RTN4R: variants seen among roughly 807,000 people sequenced by gnomAD.
The protein encoded by RTN4R is reticulon 4 receptor.
RTN4R carries 4 observed loss-of-function variants against 27.7 expected under a neutral mutation model. The ratio of observed to expected loss-of-function variants is 0.14; its 90% CI spans 0.07 to 0.33. The LOEUF is 0.33. RTN4R is among the 10% of genes least tolerant of loss of function. The pLI, the probability that RTN4R is intolerant of heterozygous loss-of-function variation, is 1.00. For missense variants in RTN4R, 554 were observed against 671.5 expected (o/e 0.83, Z 1.93); for synonymous variants, 290 against 305.6 (o/e 0.95, Z 0.53).
chr22:20,248,927 C>T (rs1287430810), intron 1 of RTN4R, among the ~76,000 whole-genome samples: 25 of 152,178 alleles, frequency 1.6e-4, no homozygotes, highest in Admixed American at 1.5e-3. Flanking sequence ...CCAGCCCATA[C>T]ACCCCTCACT....
chr22:20,242,330 G>T lies in RTN4R; in HGVS notation c.803C>A (p.Ala268Glu). Residue 268 changes from alanine (A) to glutamate (E), a missense_variant, in exon 2 of 2, where the codon GCA becomes GAA. Ala to Glu is a moderately radical substitution (Grantham distance 107). Around this residue, in one of 2 missense-constraint regions of RTN4R, gnomAD observed 413 missense variants for 542.3 expected, o/e 0.76. Transcript: ENST00000043402. ...NDNPWVCDCR[A>E]RPLWAWLQKF... Reference sequence around the variant, plus strand: ...CTGCAGCCAGGCCCAGAGTGGGCGTGCCCGGCAGTCACACACCCAGGGGTT... The same window carrying T: ...CTGCAGCCAGGCCCAGAGTGGGCGTTCCCGGCAGTCACACACCCAGGGGTT... 6.2e-7 allele frequency: 1 copy of T among 1,611,022 alleles called. No individual in the cohort carries two copies.
intron 1 of RTN4R, among the ~76,000 whole-genome samples, chr22:20,263,624 G>C (rs1031995411): frequency 1.3e-5 from 2 of 152,228 alleles, no homozygotes; most frequent in Non-Finnish European, 2.9e-5. Flanking sequence ...CTCACTCCCA[G>C]ATCAGCCCAG....
chr22:20,251,731 A>T (rs1263401911), intron 1 of RTN4R, among the ~76,000 whole-genome samples: 14 of 148,316 alleles, frequency 9.4e-5, no homozygotes, highest in Non-Finnish European at 2.1e-4. Context: ...CCTCAACACC[A>T]TCATCACCAT....
Position 20,243,042 on chromosome 22 carries a change from A to G in RTN4R, c.91T>C (p.Cys31Arg). The G allele has an allele frequency of 6.2e-7, 1 of 1,603,198 alleles. No homozygotes were observed. The highest frequency in any genetic ancestry group is 8.5e-7 in the Non-Finnish European group (1 of 1,179,904). Residue 31 changes from cysteine (C) to arginine (R), a missense_variant, in exon 2 of 2, where the codon TGC becomes CGC. Physicochemically the swap from Cys to Arg is radical, Grantham distance 180 (BLOSUM62 -3). Transcript: ENST00000043402. ...WQVAAPCPGACVCYNEPKVTT... is the reference protein window; with the variant it reads ...WQVAAPCPGARVCYNEPKVTT... ...ACCTTGGGCTCATTGTAGCATACGC[A>G]GGCACCTGGGCATGGGGCTGCCACC... is the stretch of plus-strand genomic sequence containing the variant.
intron 1 of RTN4R, among the ~76,000 whole-genome samples, chr22:20,254,380 G>T (rs2051200833): frequency 6.6e-6 from 1 of 151,176 alleles, no homozygotes; most frequent in Non-Finnish European, 1.5e-5. Flanking sequence ...AGTGAGCCAT[G>T]ATCATGCCAC....
chr22:20,252,085 A>C (rs796663722), intron 1 of RTN4R, among the ~76,000 whole-genome samples: 1 of 62,236 alleles, frequency 1.6e-5, no homozygotes, highest in Admixed American at 1.7e-4. Context: ...CCTCATCATC[A>C]CCATCGTCCT....
In RTN4R at chr22:20,267,861, C is replaced by A. The variant is rs1160541782; in HGVS notation, c.22+210G>T. ...CGTCAACTTTCCCGGGAAGCGGCAA[C>A]TTTTCCTGCCGCCTCCGGCTCCGCC... On this transcript the variant is annotated intron_variant, in intron 1 of 1. Transcript: ENST00000043402. 2.6e-5 allele frequency among the ~76,000 whole-genome samples: 4 copies of A among 152,134 alleles called. No homozygotes were observed. The East Asian group carries it at 7.8e-4, about 30-fold the overall frequency.
At chr22:20,260,440 C>T (rs543295042) in intron 1 of RTN4R, among the ~76,000 whole-genome samples, 1 of 152,266 alleles carries the variant, frequency 6.6e-6, no homozygotes, top group South Asian at 2.1e-4. Context: ...AAGGAGGGGG[C>T]ACCAGGGCTG....
intron 1 of RTN4R, among the ~76,000 whole-genome samples, chr22:20,254,732 T>G (rs2051202318): frequency 6.6e-6 from 1 of 150,956 alleles, no homozygotes. Flanking sequence ...TTTCAACAGG[T>G]GGTAAAGGGA....
intron 1 of RTN4R, among the ~76,000 whole-genome samples, chr22:20,247,403 CCA>C (rs1383327420): frequency 5.3e-5 from 8 of 152,012 alleles, no homozygotes; most frequent in Admixed American, 2.6e-4. Flanking sequence ...CATCCCCACA[CCA>C]CAGAGGGTCA....
chr22:20,262,040 C>T (rs189655443), intron 1 of RTN4R, among the ~76,000 whole-genome samples: 535 of 152,334 alleles, frequency 3.5e-3, no homozygotes, highest in Admixed American at 4.9e-3. Context: ...GGAGCCGGGG[C>T]CGGCTGTGGC....
chr22:20,247,510 C>T (rs572806167), intron 1 of RTN4R, among the ~76,000 whole-genome samples: 7 of 137,964 alleles, frequency 5.1e-5, no homozygotes, highest in Non-Finnish European at 1.1e-4. Context: ...TCCTCGCTTG[C>T]TTCTCACATG....
chr22:20,250,840 C>T (rs554952642), intron 1 of RTN4R, among the ~76,000 whole-genome samples: 3 of 150,794 alleles, frequency 2.0e-5, no homozygotes, highest in African/African-American at 7.3e-5. Context: ...TGGGATTACA[C>T]ACACACACAT....
chr22:20,243,328 C>T (rs1400881499), intron 1 of RTN4R: 14 of 700,600 alleles, frequency 2.0e-5, no homozygotes, highest in South Asian at 1.2e-4. Flanking sequence ...GAGCCATGCA[C>T]TCCACCCTGG....
At chr22:20,250,409 T>C (rs769743222) in intron 1 of RTN4R, among the ~76,000 whole-genome samples, 3 of 152,238 alleles carry the variant, frequency 2.0e-5, no homozygotes, top group Admixed American at 1.3e-4. Context: ...TATCACACCA[T>C]TCACACAAAC....
chr22:20,258,615 G>T (rs1001047274), intron 1 of RTN4R, among the ~76,000 whole-genome samples: 1 of 152,206 alleles, frequency 6.6e-6, no homozygotes, highest in Non-Finnish European at 1.5e-5. Context: ...GCCACGGGGG[G>T]CTATGCAGGA....
intron 1 of RTN4R, among the ~76,000 whole-genome samples, chr22:20,246,460 G>A (rs1457123725): frequency 1.3e-5 from 2 of 151,760 alleles, no homozygotes; most frequent in Non-Finnish European, 2.9e-5. Context: ...AGGAGGAGGT[G>A]GGAGGAGAGC....
intron 1 of RTN4R, among the ~76,000 whole-genome samples, chr22:20,260,465 G>A (rs1445571508): frequency 6.6e-6 from 1 of 152,162 alleles, no homozygotes; most frequent in Non-Finnish European, 1.5e-5. Context: ...CCAGGTTCCT[G>A]GTGGCATGCG....
In RTN4R at chr22:20,242,951, C is replaced by G. The variant is rs764553032; in HGVS notation, c.182G>C (p.Arg61Pro). Residue 61 changes from arginine (R) to proline (P), a missense_variant, in exon 2 of 2, where the codon CGC (arginine) becomes CCC (proline). Coordinates refer to ENST00000043402, the MANE Select transcript of RTN4R (RefSeq NM_023004.6). ...VPVGIPAASQRIFLHGNRISH... is the reference protein window; with the variant it reads ...VPVGIPAASQPIFLHGNRISH... ...GATGCGGTTGCCGTGCAGGAAGATGCGCTGGCTGGCAGCAGGGATGCCCAC... is the reference window on the plus strand; with the variant it reads ...GATGCGGTTGCCGTGCAGGAAGATGGGCTGGCTGGCAGCAGGGATGCCCAC... 1 of 1,611,698 alleles carries G rather than the reference C, an allele frequency of 6.2e-7. No individual in the cohort carries two copies. The highest frequency in any genetic ancestry group is 1.1e-5 in the South Asian group (1 of 91,002).
Sources: gnomAD v4.1 joint callset for allele counts (sites outside exome capture counted in the v4.1 genomes callset) on GRCh38, gnomAD v4.1.1 for gene constraint, gnomAD v4.1.1 regional missense constraint, MANE v1.5 for transcripts, NCBI Gene and HGNC (gene_info 2026-07-23, HGNC 2026-07-21) for gene names.